Variants in EVA1A observed in about 807,000 individuals in gnomAD.
EVA1A encodes the protein eva-1 homolog A, regulator of programmed cell death.
In EVA1A, 7 loss-of-function variants were observed where a neutral mutation model predicts 9.8. That is an observed-to-expected ratio of 0.71 (90% CI 0.41 to 1.34). The LOEUF (loss-of-function observed/expected upper bound fraction) is 1.34. Ranked by LOEUF, EVA1A falls within the 40% of genes most tolerant of loss-of-function variation. The pLI, the probability that EVA1A is intolerant of heterozygous loss-of-function variation, is 0.01. For missense variants in EVA1A, 206 were observed against 205.9 expected (o/e 1.00, Z 0.00); for synonymous variants, 90 against 85.6 (o/e 1.05, Z -0.28).
chr2:75,534,824 C>T (rs114370656), intron 1 of EVA1A, among the ~76,000 whole-genome samples: 2,351 of 152,158 alleles, frequency 0.015, 54 homozygotes, highest in African/African-American at 0.054. Flanking sequence ...TTCTTTGCCT[C>T]GGTCAATGTC....
chr2:75,498,005 C>T (rs1488085839), intron 3 of EVA1A, among the ~76,000 whole-genome samples: 1 of 151,934 alleles, frequency 6.6e-6, no homozygotes, highest in Non-Finnish European at 1.5e-5. Context: ...AATCTTTCTA[C>T]AAAAAAGATA....
chr2:75,509,533 T>G (rs1460351381), intron 3 of EVA1A, among the ~76,000 whole-genome samples: 1 of 152,212 alleles, frequency 6.6e-6, no homozygotes, highest in Non-Finnish European at 1.5e-5. Flanking sequence ...GGTTAGTTTA[T>G]GTTATTGTTA....
In EVA1A at chr2:75,493,255, C is replaced by A. The variant is rs768476715; in HGVS notation, c.440G>T (p.Ser147Ile). Residue 147 changes from serine to isoleucine, a missense_variant, in exon 4 of 4, where the codon AGC becomes ATC. Physicochemically the swap from Ser to Ile is moderately radical, Grantham distance 142. Transcript: ENST00000393913. ...NGQPEVPGTR[S>I]LNRYY ...TGCTCCCTAATAGTAGCGATTCAGG[C>A]TCCTGGTCCCGGGCACCTCAGGCTG... 2.5e-6 allele frequency: 4 copies of A among 1,612,872 alleles called. 1 individual carries two copies. In the South Asian group the frequency reaches 4.4e-5, roughly 18 times the overall value.
At chr2:75,503,265 T>A (rs1389610113) in intron 3 of EVA1A, among the ~76,000 whole-genome samples, 1 of 152,210 alleles carries the variant, frequency 6.6e-6, no homozygotes, top group African/African-American at 2.4e-5. Flanking sequence ...TCTCCTATAA[T>A]ACTTTCTGCT....
At chr2:75,541,620 T>A (rs1676122253) in intron 1 of EVA1A, 1 of 152,402 alleles carries the variant, frequency 6.6e-6, no homozygotes, top group Non-Finnish European at 1.5e-5. Context: ...TGACCTGGAG[T>A]CCAGAACACT....
intron 2 of EVA1A, among the ~76,000 whole-genome samples, chr2:75,519,013 T>A (rs1374938785): frequency 1.3e-5 from 2 of 152,128 alleles, no homozygotes; most frequent in Admixed American, 6.5e-5. Context: ...AGACTGCCCA[T>A]CCATAGAACC....
At chr2:75,524,764 T>C (rs113426135) in intron 1 of EVA1A, among the ~76,000 whole-genome samples, 256 of 152,164 alleles carry the variant, frequency 1.7e-3, no homozygotes, top group Non-Finnish European at 2.9e-3. Flanking sequence ...CTTCCTTCTG[T>C]CTCTAAGGAA....
intron 3 of EVA1A, among the ~76,000 whole-genome samples, chr2:75,497,850 C>CAAAAA (rs33933086): frequency 3.0e-5 from 2 of 66,802 alleles, no homozygotes; most frequent in African/African-American, 6.7e-5. Context: ...GATCCTGTCT[C>CAAAAA]AAAAAAAAAA....
intron 3 of EVA1A, among the ~76,000 whole-genome samples, chr2:75,498,603 A>G (rs955619274): frequency 1.3e-5 from 2 of 152,180 alleles, no homozygotes; most frequent in Non-Finnish European, 2.9e-5. Context: ...AATGTGTATT[A>G]ATTTTTTTAA....
chr2:75,565,140 C>T (rs911851274), upstream of EVA1A, among the ~76,000 whole-genome samples: 15 of 152,320 alleles, frequency 9.8e-5, no homozygotes, highest in African/African-American at 3.4e-4. Flanking sequence ...GGAGACTGCT[C>T]GCCCTTCACA....
chr2:75,564,174 G>A (rs565481947), upstream of EVA1A, among the ~76,000 whole-genome samples: 1 of 152,340 alleles, frequency 6.6e-6, no homozygotes, highest in South Asian at 2.1e-4. Flanking sequence ...CTGCTGGATA[G>A]ACCTTCAGGG....
chr2:75,493,588 A>T lies in EVA1A; in HGVS notation c.107T>A (p.Leu36Gln). ...GATGCACACGCCAGAAACAAAGTACAGAGCTGCTCGCTCAGGATTTTCTGG... is the reference window on the plus strand; with the variant it reads ...GATGCACACGCCAGAAACAAAGTACTGAGCTGCTCGCTCAGGATTTTCTGG... The part of the protein sequence containing the change: ...FVSENPERAA[L>Q]YFVSGVCIGL... The change falls in exon 4 of 4, where the codon CTG becomes CAG. Residue 36 changes from leucine (L) to glutamine (Q), a missense_variant. Coordinates refer to ENST00000393913, the MANE Select transcript of EVA1A (RefSeq NM_001135032.2). The T allele has an allele frequency of 6.3e-7, 1 of 1,597,008 alleles. No homozygotes were observed. The highest frequency in any genetic ancestry group is 8.5e-7 in the Non-Finnish European group (1 of 1,170,180).
At chr2:75,527,096 T>C (rs1210886407) in intron 1 of EVA1A, among the ~76,000 whole-genome samples, 1 of 152,086 alleles carries the variant, frequency 6.6e-6, no homozygotes, top group Non-Finnish European at 1.5e-5. Flanking sequence ...GAAAGGAGTG[T>C]TCTAGCAAGA....
intron 3 of EVA1A, among the ~76,000 whole-genome samples, chr2:75,503,805 A>T (rs1674514754): frequency 6.6e-6 from 1 of 152,204 alleles, no homozygotes; most frequent in South Asian, 2.1e-4. Flanking sequence ...GAGAAGCGGG[A>T]TACACGGTAC....
intron 1 of EVA1A, among the ~76,000 whole-genome samples, chr2:75,556,126 T>C (rs1385643942): frequency 6.6e-6 from 1 of 152,224 alleles, no homozygotes; most frequent in Non-Finnish European, 1.5e-5. Context: ...GAGCTACGTA[T>C]TGCACGTGTA....
intron 2 of EVA1A, among the ~76,000 whole-genome samples, chr2:75,520,448 A>G (rs1183585336): frequency 6.6e-6 from 1 of 152,240 alleles, no homozygotes; most frequent in Non-Finnish European, 1.5e-5. Context: ...AACTTATTAT[A>G]AATCTATAGT....
intron 1 of EVA1A, among the ~76,000 whole-genome samples, chr2:75,568,124 G>A (rs1405004151): frequency 6.6e-6 from 1 of 152,046 alleles, no homozygotes; most frequent in Non-Finnish European, 1.5e-5. Flanking sequence ...AGTTTGGTCT[G>A]GGGGGCTTTT....
At chr2:75,521,254 C>T (rs1291538695) in intron 2 of EVA1A, among the ~76,000 whole-genome samples, 4 of 152,112 alleles carry the variant, frequency 2.6e-5, no homozygotes, top group African/African-American at 9.7e-5. Context: ...AATTGTGCAG[C>T]CACTGTGGAA....
At chr2:75,529,803 C>A (rs923553935) in intron 1 of EVA1A, among the ~76,000 whole-genome samples, 1 of 151,976 alleles carries the variant, frequency 6.6e-6, no homozygotes, top group Non-Finnish European at 1.5e-5. Flanking sequence ...TGAAAGAGCT[C>A]AAATAGACAA....
Sources: gnomAD v4.1 joint callset for allele counts (sites outside exome capture counted in the v4.1 genomes callset) on GRCh38, gnomAD v4.1.1 for gene constraint, MANE v1.5 for transcripts, NCBI Gene and HGNC (gene_info 2026-07-23, HGNC 2026-07-21) for gene names.